Variants in SH3GL2 observed in about 807,000 individuals in gnomAD.
SH3GL2 encodes endophilin-A1.
Under a neutral mutation model 46.0 loss-of-function variants are expected in SH3GL2, and 24 were observed. The ratio of observed to expected loss-of-function variants is 0.52; its 90% CI spans 0.38 to 0.73. The LOEUF (loss-of-function observed/expected upper bound fraction) is 0.73. Ranked by LOEUF, SH3GL2 falls within the 30% of genes least tolerant of loss-of-function variation. The probability of loss-of-function intolerance (pLI) is 0.00; values close to 1 mark genes in which losing one functional copy is unlikely to be tolerated. For synonymous variants in SH3GL2, 196 were observed against 147.1 expected, an observed-to-expected ratio of 1.33 and a Z score of -2.40; for missense variants, 413 against 424.2, an observed-to-expected ratio of 0.97 and a Z score of 0.23.
intron 1 of SH3GL2, among the ~76,000 whole-genome samples, chr9:17,702,351 G>A (rs1410909311): frequency 6.6e-6 from 1 of 151,934 alleles, no homozygotes; most frequent in Non-Finnish European, 1.5e-5. Flanking sequence ...TTGATCTGAT[G>A]GAAGCTTTTC....
chr9:17,734,935 A>G (rs1273712629), intron 1 of SH3GL2, among the ~76,000 whole-genome samples: 2 of 152,142 alleles, frequency 1.3e-5, no homozygotes, highest in African/African-American at 4.8e-5. Context: ...TGTGTACTTT[A>G]AACGGGTGAA....
chr9:17,594,651 AT>A lies in SH3GL2; in HGVS notation c.45+15366del, dbSNP rs750834928. 2.6e-5 allele frequency among the ~76,000 whole-genome samples: 4 copies of A among 151,826 alleles called. No homozygotes were observed. In the East Asian group the frequency reaches 7.7e-4, roughly 29 times the overall value. ...TCCTGGAACTTAAAGTAAAATAAAA[AT>A]TAAAAAAATAATTGTGTGTTGTACC... is the stretch of plus-strand genomic sequence containing the variant. On this transcript the variant is annotated intron_variant, in intron 1 of 8. Coordinates refer to ENST00000380607, the MANE Select transcript of SH3GL2 (RefSeq NM_003026.5).
At chr9:17,646,126 C>A (rs181334476) in intron 1 of SH3GL2, among the ~76,000 whole-genome samples, 3 of 151,804 alleles carry the variant, frequency 2.0e-5, no homozygotes, top group Admixed American at 2.0e-4. Context: ...TTAAGCTGAT[C>A]TTCCATCTCT....
chr9:17,684,301 C>T (rs1187132709), intron 1 of SH3GL2, among the ~76,000 whole-genome samples: 2 of 151,908 alleles, frequency 1.3e-5, no homozygotes, highest in South Asian at 2.1e-4. Flanking sequence ...CAGAGATGAA[C>T]GATGCTTTTG....
intron 1 of SH3GL2, among the ~76,000 whole-genome samples, chr9:17,699,928 AG>A (rs548030308): frequency 2.0e-5 from 3 of 152,332 alleles, no homozygotes; most frequent in Non-Finnish European, 4.4e-5. Context: ...CTGTATCAAA[AG>A]GTTTACCTGT....
intron 1 of SH3GL2, among the ~76,000 whole-genome samples, chr9:17,720,341 T>G (rs1213817141): frequency 6.6e-6 from 1 of 152,142 alleles, no homozygotes; most frequent in East Asian, 1.9e-4. Context: ...AGAGTTCGAC[T>G]GAGCAAAGAA....
rs557482089 is a variant in SH3GL2, at chr9:17,754,891, A to T, written c.115-6546A>T. ...CAGCTTAAGAATCTTTTTGGCTGAG[A>T]CTGTGGGGTTTTCTGGACATAGGAT... On this transcript the variant is annotated intron_variant, in intron 2 of 8. Coordinates refer to ENST00000380607, the MANE Select transcript of SH3GL2 (RefSeq NM_003026.5). 2.0e-5 allele frequency among the ~76,000 whole-genome samples: 3 copies of T among 152,228 alleles called. No individual in the cohort carries two copies. In the East Asian group the frequency reaches 5.8e-4, roughly 29 times the overall value.
chr9:17,679,290 T>G (rs1450230632), intron 1 of SH3GL2, among the ~76,000 whole-genome samples: 3 of 152,230 alleles, frequency 2.0e-5, no homozygotes, highest in African/African-American at 7.2e-5. Flanking sequence ...CATTTGTTTG[T>G]TTCCTCTTTT....
chr9:17,731,295 T>C (rs1265828930), intron 1 of SH3GL2, among the ~76,000 whole-genome samples: 1 of 151,930 alleles, frequency 6.6e-6, no homozygotes, highest in Non-Finnish European at 1.5e-5. Context: ...TGATGGTATT[T>C]GGAGATGGGG....
chr9:17,642,421 G>T (rs921788244), intron 1 of SH3GL2, among the ~76,000 whole-genome samples: 2 of 151,834 alleles, frequency 1.3e-5, no homozygotes, highest in Admixed American at 1.3e-4. Flanking sequence ...AGTCATGAAG[G>T]CTGCCCATGC....
intron 1 of SH3GL2, among the ~76,000 whole-genome samples, chr9:17,701,141 C>T (rs1821334753): frequency 6.6e-6 from 1 of 152,152 alleles, no homozygotes. Flanking sequence ...ACAAACCCAG[C>T]AGAGAATCCT....
At chr9:17,605,033 G>T (rs1287691144) in intron 1 of SH3GL2, among the ~76,000 whole-genome samples, 2 of 151,132 alleles carry the variant, frequency 1.3e-5, no homozygotes, top group Admixed American at 6.6e-5. Flanking sequence ...AGTGCAGGGG[G>T]ACAGTCATGG....
At chr9:17,725,164 G>A (rs1470922999) in intron 1 of SH3GL2, among the ~76,000 whole-genome samples, 1 of 152,134 alleles carries the variant, frequency 6.6e-6, no homozygotes, top group African/African-American at 2.4e-5. Context: ...TTGTGCTTAA[G>A]CCCCTCAAGT....
intron 2 of SH3GL2, among the ~76,000 whole-genome samples, chr9:17,747,406 TAAG>T (rs1437940479): frequency 6.6e-6 from 1 of 152,140 alleles, no homozygotes; most frequent in African/African-American, 2.4e-5. Flanking sequence ...TTTAAAAAAA[TAAG>T]GACAGTGTTG....
At chr9:17,708,147 C>G (rs1236834150) in intron 1 of SH3GL2, among the ~76,000 whole-genome samples, 1 of 151,958 alleles carries the variant, frequency 6.6e-6, no homozygotes, top group African/African-American at 2.4e-5. Context: ...CTGGACTGTT[C>G]CCAAGGTCTT....
intron 3 of SH3GL2, among the ~76,000 whole-genome samples, chr9:17,783,019 C>T (rs1244994161): frequency 6.6e-6 from 1 of 152,058 alleles, no homozygotes; most frequent in Non-Finnish European, 1.5e-5. Context: ...ACCAAGTTGT[C>T]AGTAGAGCAT....
At chr9:17,771,266 G>C (rs991718472) in intron 3 of SH3GL2, among the ~76,000 whole-genome samples, 1 of 152,192 alleles carries the variant, frequency 6.6e-6, no homozygotes, top group East Asian at 1.9e-4. Context: ...CCCCCAGGGA[G>C]TATAGGTCAG....
chr9:17,734,946 C>T (rs1822286819), intron 1 of SH3GL2, among the ~76,000 whole-genome samples: 2 of 152,072 alleles, frequency 1.3e-5, no homozygotes, highest in Non-Finnish European at 2.9e-5. Flanking sequence ...AACGGGTGAA[C>T]TTTATGGGAT....
chr9:17,728,137 G>A (rs1224405824), intron 1 of SH3GL2, among the ~76,000 whole-genome samples: 1 of 152,134 alleles, frequency 6.6e-6, no homozygotes, highest in African/African-American at 2.4e-5. Flanking sequence ...TTGAAATAAT[G>A]TAACAGATTT....
Sources: allele counts gnomAD v4.1 joint callset (sites outside exome capture counted in the v4.1 genomes callset), GRCh38; gene constraint gnomAD v4.1.1; transcripts MANE v1.5; gene names NCBI Gene and HGNC (gene_info 2026-07-23, HGNC 2026-07-21).